Variants in NEIL2 observed in about 807,000 individuals in gnomAD.
NEIL2 encodes the protein nei like DNA glycosylase 2, also known as endonuclease 8-like 2.
Under a neutral mutation model 22.2 loss-of-function variants are expected in NEIL2, and 23 were observed. The observed-to-expected ratio is 1.04, with a 90% CI of 0.75 to 1.47. The LOEUF (loss-of-function observed/expected upper bound fraction) is 1.47, where lower values mean the gene tolerates loss of function less well. Ranked by LOEUF, NEIL2 falls within the 40% of genes most tolerant of loss-of-function variation. The probability of loss-of-function intolerance (pLI) is 0.00; values close to 1 mark genes in which losing one functional copy is unlikely to be tolerated. For synonymous variants in NEIL2, 229 were observed against 164.8 expected (o/e 1.39, Z -2.99); for missense variants, 583 against 404.7 (o/e 1.44, Z -3.78).
rs1378063755 is a variant in NEIL2 at position 11,786,470 on chromosome 8, G to A, written c.*197G>A. ...GTTAGATTTTTTTTATCCTTTTCTAGTTCAGTTAATTCATCCTGTTGAATT... is the reference window on the plus strand; with the variant it reads ...GTTAGATTTTTTTTATCCTTTTCTAATTCAGTTAATTCATCCTGTTGAATT... On this transcript the variant is annotated 3_prime_UTR_variant, in exon 5 of 5. Coordinates refer to ENST00000284503, the MANE Select transcript of NEIL2 (RefSeq NM_145043.4). 1 of 618,320 alleles carries A rather than the reference G, an allele frequency of 1.6e-6. No homozygotes were observed. Among genetic ancestry groups the A allele is most frequent in the African/African-American group, 1.8e-5 (1 of 54,242 alleles). The allele number at this position is 618,320 out of a possible 1,614,324, so 38.3% of individuals were successfully genotyped here.
At chr8:11,770,803 G>C (rs999879141) in intron 1 of NEIL2, among the ~76,000 whole-genome samples, 4 of 152,046 alleles carry the variant, frequency 2.6e-5, no homozygotes, top group African/African-American at 9.7e-5. Flanking sequence ...TGGGAGCCCT[G>C]CGTGGTGATT....
At position 11,786,204 on chromosome 8, in the gene NEIL2, G is replaced by A. The variant is rs551728672; in HGVS notation, c.930G>A (p.Arg310=). ...TTGGGCCCGAAGATGGGTTACAGAG[G>A]CTCACCTGGTGGTGCCCGCAGTGCC... is the stretch of plus-strand genomic sequence containing the variant. ...EAFGPEDGLQ[R]LTWWCPQCQP... The change falls in exon 5 of 5, where the codon AGG becomes AGA. Residue 310 remains arginine, a synonymous_variant. Coordinates refer to ENST00000284503, the MANE Select transcript of NEIL2 (RefSeq NM_145043.4). 2 of 1,613,554 alleles carry A rather than the reference G, an allele frequency of 1.2e-6. No homozygotes were observed. The highest frequency in any genetic ancestry group is 1.1e-5 in the South Asian group (1 of 91,058).
chr8:11,771,554 G>T lies in NEIL2; in HGVS notation c.107G>T (p.Ser36Ile). Residue 36 changes from serine (S) to isoleucine (I), a missense_variant, in exon 2 of 5, where the codon AGC becomes ATC. Coordinates refer to ENST00000284503, the MANE Select transcript of NEIL2 (RefSeq NM_145043.4). Reference protein sequence around the residue: ...GGSSKKLQPASLQSLWLQDTQ... With the variant: ...GGSSKKLQPAILQSLWLQDTQ... Reference sequence around the variant, plus strand: ...AGCAGTAAGAAGCTACAGCCCGCCAGCCTGCAGTCTCTGTGGCTCCAGGAC... The same window carrying T: ...AGCAGTAAGAAGCTACAGCCCGCCATCCTGCAGTCTCTGTGGCTCCAGGAC... 6.2e-7 allele frequency: 1 copy of T among 1,614,100 alleles called. No individual in the cohort carries two copies. The highest frequency in any genetic ancestry group is 8.5e-7 in the Non-Finnish European group (1 of 1,179,990).
rs146251623 is a variant in NEIL2 at position 11,771,487 on chromosome 8, G to T, written c.40G>T (p.Val14Phe). The stretch of plus-strand genomic sequence containing the variant: ...GTTGGTGAGGAAATTTCACCATTTG[G>T]TCTCCCCCTTTGTGGGTCAGCAGGT... ...GPLVRKFHHLVSPFVGQQVVK... is the reference protein window; with the variant it reads ...GPLVRKFHHLFSPFVGQQVVK... Residue 14 changes from valine (V) to phenylalanine (F), a missense_variant, in exon 2 of 5, where the codon GTC (valine) becomes TTC (phenylalanine). Coordinates refer to ENST00000284503, the MANE Select transcript of NEIL2 (RefSeq NM_145043.4). 1 of 1,613,922 alleles carries T rather than the reference G, an allele frequency of 6.2e-7. No individual in the cohort carries two copies. Among genetic ancestry groups the T allele is most frequent in the Non-Finnish European group, 8.5e-7 (1 of 1,180,038 alleles).
In NEIL2 at chr8:11,779,846, G is replaced by A; in HGVS notation, c.387G>A (p.Arg129=). ...ACGCCCCTGCAGGAGATGCTGGGAG[G>A]TGGCTGCGTGTCAGCTTTGGTTTGT... ...ERDAPAGDAG[R]WLRVSFGLFG... The change falls in exon 3 of 5, where the codon AGG becomes AGA. Residue 129 remains arginine, a synonymous_variant. Transcript: ENST00000284503. 3 of 1,614,210 alleles carry A rather than the reference G, an allele frequency of 1.9e-6. No homozygotes were observed. Among genetic ancestry groups the A allele is most frequent in the Non-Finnish European group, 2.5e-6 (3 of 1,180,038 alleles).
intron 2 of NEIL2, among the ~76,000 whole-genome samples, chr8:11,777,526 A>C (rs1444136463): frequency 6.6e-6 from 1 of 152,106 alleles, no homozygotes; most frequent in Admixed American, 6.6e-5. Context: ...GTTGAACGCT[A>C]ACTCCCCCTT....
At chr8:11,771,210 G>A (rs1295430933) in intron 1 of NEIL2, among the ~76,000 whole-genome samples, 1 of 152,180 alleles carries the variant, frequency 6.6e-6, no homozygotes, top group African/African-American at 2.4e-5. Context: ...ATAAGTGTTT[G>A]CTGCATGAAG....
chr8:11,780,069 C>G, intron 3 of NEIL2, 119 bp downstream of exon 3: 1 of 842,360 alleles, frequency 1.2e-6, no homozygotes, highest in Non-Finnish European at 1.9e-6. Context: ...CCCCAGGGCC[C>G]TGCTGTCTTG....
intron 2 of NEIL2, among the ~76,000 whole-genome samples, chr8:11,778,943 GAAAAA>G (rs57173797): frequency 2.2e-5 from 1 of 44,504 alleles, no homozygotes; most frequent in Non-Finnish European, 3.8e-5. Context: ...GACTCCATCT[GAAAAA>G]AAAAAAAAAA....
Position 11,779,948 on chromosome 8 carries a change from G to T in NEIL2, c.489G>T (p.Pro163=). The change falls in exon 3 of 5, where the codon CCG becomes CCT. Residue 163 remains proline, a splice_region_variant and synonymous_variant. Coordinates refer to ENST00000284503, the MANE Select transcript of NEIL2 (RefSeq NM_145043.4). ...GGGGGGACTGGAGGGACCCTTCCCC[G>T]AGGTAATGGTGTGGCCATCTGATTT... The part of the protein sequence containing the change: ...NKRGDWRDPS[P]RLVLHFGGGG... 2 of 1,612,964 alleles carry T rather than the reference G, an allele frequency of 1.2e-6. No homozygotes were observed. The highest frequency in any genetic ancestry group is 1.1e-5 in the South Asian group (1 of 91,030).
intron 3 of NEIL2, chr8:11,782,917 G>A: frequency 2.1e-6 from 1 of 484,902 alleles, no homozygotes; most frequent in Non-Finnish European, 3.8e-6. Flanking sequence ...ATGTGGGGAT[G>A]TGTGTATGTG....
intron 2 of NEIL2, among the ~76,000 whole-genome samples, chr8:11,773,317 T>TGTTGCAGGGAACCTAAG (rs1320339297): frequency 3.9e-5 from 6 of 152,070 alleles, no homozygotes; most frequent in African/African-American, 9.7e-5. Flanking sequence ...CAGAAAACCA[T>TGTTGCAGGGAACCTAAG]GTTGCAGGGA....
intron 4 of NEIL2, among the ~76,000 whole-genome samples, chr8:11,783,872 A>G (rs1314647776): frequency 6.6e-6 from 1 of 152,184 alleles, no homozygotes; most frequent in African/African-American, 2.4e-5. Context: ...GAGATGACTC[A>G]GTCTACACTG....
At chr8:11,774,362 G>A (rs55877487) in intron 2 of NEIL2, among the ~76,000 whole-genome samples, 8,265 of 152,184 alleles carry the variant, frequency 0.054, 327 homozygotes, top group Non-Finnish European at 0.079. Flanking sequence ...AACAGAGTGA[G>A]ACTCCATCTG....
chr8:11,786,421 T>G lies in NEIL2; in HGVS notation c.*148T>G. 1 of 762,516 alleles carries G rather than the reference T, an allele frequency of 1.3e-6. No homozygotes were observed. Among genetic ancestry groups the G allele is most frequent in the Non-Finnish European group, 2.2e-6 (1 of 444,576 alleles). The allele number at this position is 762,516 out of a possible 1,614,324, so 47.2% of individuals were successfully genotyped here. Reference sequence around the variant, plus strand: ...TATAATATTCGTCTCCCTGGAGTTATGTTGAAGGCAGAGTTTTCATAGGGT... The same window carrying G: ...TATAATATTCGTCTCCCTGGAGTTAGGTTGAAGGCAGAGTTTTCATAGGGT... On this transcript the variant is annotated 3_prime_UTR_variant, in exon 5 of 5. Transcript: ENST00000284503.
At chr8:11,783,517 G>A (rs1350281466) in intron 4 of NEIL2, 118 bp downstream of exon 4, 1 of 811,490 alleles carries the variant, frequency 1.2e-6, no homozygotes, top group Non-Finnish European at 2.1e-6. Flanking sequence ...GTTTTGAGGT[G>A]CCACTTGCTC....
chr8:11,784,021 C>G (rs1163168882), intron 4 of NEIL2, among the ~76,000 whole-genome samples: 1 of 151,630 alleles, frequency 6.6e-6, no homozygotes, highest in Non-Finnish European at 1.5e-5. Context: ...ATTAGCGGGA[C>G]TATGACAGCG....
Position 11,770,227 on chromosome 8 carries a change from A to G in NEIL2, c.-111A>G, listed in dbSNP as rs1001436082. 4 of 152,086 alleles carry G rather than the reference A, an allele frequency of 2.6e-5. No homozygotes were observed. The highest frequency in any genetic ancestry group is 9.7e-5 in the African/African-American group (4 of 41,410). The allele number at this position is 152,086 out of a possible 1,614,324, so 9.4% of individuals were successfully genotyped here. A position where few individuals can be genotyped will look rare whatever the true frequency, so the allele number is the denominator to read the frequency against. ...CTGTCCATCTCCATAAAAATCCCTA[A>G]ACGAAACATGCCCACGTGTCCGGAG... On this transcript the variant is annotated 5_prime_UTR_variant, in exon 1 of 5. Coordinates refer to ENST00000284503, the MANE Select transcript of NEIL2 (RefSeq NM_145043.4).
intron 3 of NEIL2, 84 bp from the exon 4 acceptor site, chr8:11,783,119 T>C: frequency 9.0e-7 from 1 of 1,105,226 alleles, no homozygotes; most frequent in Non-Finnish European, 1.4e-6. Context: ...GGGATGTGTG[T>C]ATGTGTGTAT....
Sources: allele counts gnomAD v4.1 joint callset (sites outside exome capture counted in the v4.1 genomes callset), GRCh38; gene constraint gnomAD v4.1.1; transcripts MANE v1.5; gene names NCBI Gene and HGNC (gene_info 2026-07-23, HGNC 2026-07-21).